NSMAF: variants seen among roughly 807,000 people sequenced by gnomAD.
NSMAF encodes the protein neutral sphingomyelinase activation associated factor.
NSMAF carries 90 observed loss-of-function variants against 134.9 expected under a neutral mutation model. The observed-to-expected ratio is 0.67, with a 90% CI of 0.56 to 0.79. NSMAF has a LOEUF of 0.79. Among genes scored for constraint, NSMAF ranks in the 30% least tolerant of loss-of-function variants. NSMAF has a pLI of 0.00. For synonymous variants in NSMAF, 358 were observed against 389.6 expected (o/e 0.92, Z 0.96); for missense variants, 1,010 against 1,119.0 (o/e 0.90, Z 1.39).
At chr8:58,591,481 C>CTTTTTTT (rs1018380152) in intron 23 of NSMAF, among the ~76,000 whole-genome samples, 7 of 94,494 alleles carry the variant, frequency 7.4e-5, no homozygotes, top group African/African-American at 2.1e-4. Flanking sequence ...AGAAACCTTC[C>CTTTTTTT]TTTTTTTTTT....
chr8:58,585,989 C>T lies in NSMAF; in HGVS notation c.2458G>A (p.Val820Ile). 6.2e-7 allele frequency: 1 copy of T among 1,613,546 alleles called. No individual in the cohort carries two copies. The highest frequency in any genetic ancestry group is 1.3e-5 in the African/African-American group (1 of 75,042). ...CAGCCATCTGTTCCTGTGCTGAGGA[C>T]ATGGCGACTATCTGCAACACAAGGT... ...DTAFSPDSRH[V>I]LSTGTDGCLN... Residue 820 changes from valine to isoleucine, a missense_variant, in exon 29 of 31, where the codon GTC becomes ATC. Transcript: ENST00000038176.
At chr8:58,643,979 G>T (rs1807389860) in intron 1 of NSMAF, among the ~76,000 whole-genome samples, 1 of 152,172 alleles carries the variant, frequency 6.6e-6, no homozygotes, top group African/African-American at 2.4e-5. Context: ...AAAAACAAGA[G>T]AAGTCATTAA....
intron 1 of NSMAF, among the ~76,000 whole-genome samples, chr8:58,649,965 G>T (rs955295523): frequency 3.3e-5 from 5 of 152,148 alleles, no homozygotes; most frequent in African/African-American, 1.2e-4. Context: ...TCTAGAATTT[G>T]CATTAAACCT....
At chr8:58,591,481 CTTTTTTTTTTTTTT>C (rs1018380152) in intron 23 of NSMAF, among the ~76,000 whole-genome samples, 2 of 94,494 alleles carry the variant, frequency 2.1e-5, no homozygotes. Context: ...AGAAACCTTC[CTTTTTTTTTTTTTT>C]TTTTTTTTTT....
chr8:58,617,286 C>A (rs957095790), intron 9 of NSMAF, among the ~76,000 whole-genome samples: 1 of 152,076 alleles, frequency 6.6e-6, no homozygotes, highest in Non-Finnish European at 1.5e-5. Flanking sequence ...AAAGCAATGG[C>A]AACAATAGCC....
intron 1 of NSMAF, among the ~76,000 whole-genome samples, chr8:58,658,134 A>G (rs888012790): frequency 6.6e-6 from 1 of 152,206 alleles, no homozygotes; most frequent in African/African-American, 2.4e-5. Flanking sequence ...AGTTCTCACA[A>G]TTTAAATATG....
intron 12 of NSMAF, among the ~76,000 whole-genome samples, chr8:58,604,218 G>A (rs374475699): frequency 8.6e-5 from 13 of 151,976 alleles, no homozygotes; most frequent in East Asian, 3.9e-4. Context: ...CTTCCCCCTC[G>A]TTTTCTACTT....
At chr8:58,588,319 T>C (rs1805938415) in intron 26 of NSMAF, 1 of 726,074 alleles carries the variant, frequency 1.4e-6, no homozygotes, top group Non-Finnish European at 2.4e-6. Context: ...ATTCCTCACT[T>C]TAACTTGACA....
intron 23 of NSMAF, among the ~76,000 whole-genome samples, chr8:58,593,924 A>G (rs1214842413): frequency 6.6e-6 from 1 of 152,176 alleles, no homozygotes; most frequent in Non-Finnish European, 1.5e-5. Flanking sequence ...GCCAACCCCA[A>G]CAAGTGGACA....
intron 1 of NSMAF, among the ~76,000 whole-genome samples, chr8:58,652,970 T>C (rs1316924942): frequency 6.6e-6 from 1 of 152,158 alleles, no homozygotes; most frequent in African/African-American, 2.4e-5. Flanking sequence ...AAAACAATGG[T>C]AAATATGCAT....
chr8:58,592,940 T>G (rs73248892), intron 23 of NSMAF, among the ~76,000 whole-genome samples: 2,031 of 152,078 alleles, frequency 0.013, 39 homozygotes, highest in African/African-American at 0.047. Flanking sequence ...TCTCTCTCCT[T>G]TATTGTGAAA....
intron 9 of NSMAF, among the ~76,000 whole-genome samples, chr8:58,622,643 T>TCAG (rs1806814545): frequency 6.6e-6 from 1 of 152,070 alleles, no homozygotes; most frequent in South Asian, 2.1e-4. Context: ...TCTGCCCACC[T>TCAG]CAGCCTCCCG....
intron 1 of NSMAF, among the ~76,000 whole-genome samples, chr8:58,657,745 T>G (rs948659104): frequency 6.6e-6 from 1 of 152,182 alleles, no homozygotes; most frequent in Admixed American, 6.5e-5. Context: ...AAGTTATAAT[T>G]CAAATAAATA....
At chr8:58,612,559 T>A (rs1326633344) in intron 9 of NSMAF, among the ~76,000 whole-genome samples, 1 of 152,152 alleles carries the variant, frequency 6.6e-6, no homozygotes, top group African/African-American at 2.4e-5. Flanking sequence ...ACCTAAGGAA[T>A]GTGTTGTGGG....
At chr8:58,644,058 T>TTTTTG (rs1328432539) in intron 1 of NSMAF, among the ~76,000 whole-genome samples, 1 of 152,192 alleles carries the variant, frequency 6.6e-6, no homozygotes. Context: ...AACAGGCATT[T>TTTTTG]TTTTGTTTTG....
At chr8:58,584,296 T>C (rs1230922236) in intron 30 of NSMAF, 96 bp from the exon 31 acceptor site, 1 of 845,526 alleles carries the variant, frequency 1.2e-6, no homozygotes, top group Non-Finnish European at 2.0e-6. Context: ...GCTATTCATT[T>C]ACTAAACAAG....
chr8:58,659,564 G>A lies in NSMAF; in HGVS notation c.59+9C>T, dbSNP rs1239240660. 1 of 1,526,856 alleles carries A rather than the reference G, an allele frequency of 6.5e-7. No homozygotes were observed. The highest frequency in any genetic ancestry group is 8.8e-7 in the Non-Finnish European group (1 of 1,138,120). The allele number at this position is 1,526,856 out of a possible 1,614,324, so 94.6% of individuals were successfully genotyped here. A position where few individuals can be genotyped will look rare whatever the true frequency, so the allele number is the denominator to read the frequency against. On this transcript the variant is annotated intron_variant, in intron 1 of 30. Transcript: ENST00000038176. ...CCCCGGCTGGGCCCTTCTTCAGCTG[G>A]GCGCGCACCTCTCCTTGGAGTAGAG... is the stretch of plus-strand genomic sequence containing the variant.
At chr8:58,591,362 A>C (rs1806018453) in intron 23 of NSMAF, among the ~76,000 whole-genome samples, 1 of 152,154 alleles carries the variant, frequency 6.6e-6, no homozygotes, top group African/African-American at 2.4e-5. Context: ...ATATATAGTT[A>C]AGTGTGATAC....
chr8:58,640,148 A>C (rs1431837744), intron 2 of NSMAF: 1 of 444,076 alleles, frequency 2.3e-6, no homozygotes, highest in Non-Finnish European at 4.5e-6. Flanking sequence ...ATACCACATC[A>C]TACACTTGAA....
Sources: gnomAD v4.1 joint callset for allele counts (sites outside exome capture counted in the v4.1 genomes callset) on GRCh38, gnomAD v4.1.1 for gene constraint, MANE v1.5 for transcripts, NCBI Gene and HGNC (gene_info 2026-07-23, HGNC 2026-07-21) for gene names.